Variants in C4orf54 observed in about 807,000 individuals in gnomAD.
The protein encoded by C4orf54 is chromosome 4 open reading frame 54, also known as uncharacterized protein C4orf54.
In C4orf54, 67 loss-of-function variants were observed where a neutral mutation model predicts 80.1. The observed-to-expected ratio is 0.84, with a 90% CI of 0.69 to 1.03. The LOEUF (loss-of-function observed/expected upper bound fraction) is 1.03. Among genes scored for constraint, C4orf54 ranks in the 50% least tolerant of loss-of-function variants. C4orf54 has a pLI of 0.00. For missense variants in C4orf54, 2,434 were observed against 2,253.5 expected, an observed-to-expected ratio of 1.08 and a Z score of -1.62; for synonymous variants, 1,000 against 917.0, an observed-to-expected ratio of 1.09 and a Z score of -1.64.
Position 99,651,793 on chromosome 4 carries a change from G to T in C4orf54, c.2856C>A (p.Ala952=). 3 of 1,535,906 alleles carry T rather than the reference G, an allele frequency of 2.0e-6. No individual in the cohort carries two copies. Among genetic ancestry groups the T allele is most frequent in the Non-Finnish European group, 2.6e-6 (3 of 1,146,882 alleles). ...TAGGGGCTTGTTCCTCCCTCTTCTC[G>T]GCCTCTTTCTCCTTCCATGACCGGA... ...SAFRSWKEKE[A]EKREEQAPIG... is the part of the protein sequence containing the mutation. The change falls in exon 2 of 3, where the codon GCC becomes GCA. Residue 952 remains alanine, a synonymous_variant. Transcript: ENST00000511828.
chr4:99,656,280 GT>G (rs1194995054), intron 1 of C4orf54, among the ~76,000 whole-genome samples: 4,236 of 146,852 alleles, frequency 0.029, 185 homozygotes, highest in African/African-American at 0.097. Flanking sequence ...TTTTATCTTA[GT>G]TTTTTTTTTT....
chr4:99,654,099 G>C lies in C4orf54; in HGVS notation c.550C>G (p.Pro184Ala), dbSNP rs1242937443. ...GCTTCTCGCTGGGAGGAGGCTGAAG[G>C]CTTGGGAAGTGGCCACAGCTGCTGC... ...LKQQLWPLPK[P>A]SASSQREAKY... Residue 184 changes from proline to alanine, a missense_variant, in exon 2 of 3, where the codon CCT becomes GCT. Transcript: ENST00000511828. 3 of 1,536,156 alleles carry C rather than the reference G, an allele frequency of 2.0e-6. No individual in the cohort carries two copies. The South Asian group carries it at 3.6e-5, about 18-fold the overall frequency.
chr4:99,647,590 A>G (rs889823063), intron 2 of C4orf54, among the ~76,000 whole-genome samples: 1 of 151,538 alleles, frequency 6.6e-6, no homozygotes, highest in Non-Finnish European at 1.5e-5. Context: ...AAGAATTTAA[A>G]TAATGTATTT....
chr4:99,651,544 A>G lies in C4orf54; in HGVS notation c.3105T>C (p.Ser1035=), dbSNP rs1157883432. 5 of 1,535,306 alleles carry G rather than the reference A, an allele frequency of 3.3e-6. No homozygotes were observed. In the African/African-American group the frequency reaches 4.1e-5, roughly 13 times the overall value. The change falls in exon 2 of 3, where the codon AGT becomes AGC. Residue 1035 remains serine, a synonymous_variant. Transcript: ENST00000511828. ...KAPEIKIRLG[S]VQQPSSDFNI... is the part of the protein sequence containing the mutation. ...TGAAGTCTGAGCTCGGCTGCTGCAC[A>G]CTCCCCAGCCGGATCTTGATTTCGG... is the stretch of plus-strand genomic sequence containing the variant.
rs765920223 is a variant in C4orf54, at chr4:99,651,856, G to A, written c.2793C>T (p.Thr931=). 5.9e-6 allele frequency: 9 copies of A among 1,536,078 alleles called. No individual in the cohort carries two copies. The highest frequency in any genetic ancestry group is 2.4e-5 in the East Asian group (1 of 40,908). Reference sequence around the variant, plus strand: ...GACTACGGAGGAAGATGCCCTTGACGGTCTCTGAGGCACTCTTTTTAATTT... The same window carrying A: ...GACTACGGAGGAAGATGCCCTTGACAGTCTCTGAGGCACTCTTTTTAATTT... ...VCEIKKSASE[T]VKGIFLRSQN... is the part of the protein sequence containing the mutation. The change falls in exon 2 of 3, where the codon ACC becomes ACT. Residue 931 remains threonine (T), a synonymous_variant. Coordinates refer to ENST00000511828, the MANE Select transcript of C4orf54 (RefSeq NM_001354435.2).
Position 99,649,602 on chromosome 4 carries a change from G to A in C4orf54, c.5047C>T (p.Leu1683=). The A allele has an allele frequency of 6.5e-7, 1 of 1,536,198 alleles. No homozygotes were observed. Among genetic ancestry groups the A allele is most frequent in the Non-Finnish European group, 8.7e-7 (1 of 1,146,918 alleles). ...GCATTGGTGGGCAGCACGGTAGGCAGAAACCCAGGGTAAATCATGTAGGTG... is the reference window on the plus strand; with the variant it reads ...GCATTGGTGGGCAGCACGGTAGGCAAAAACCCAGGGTAAATCATGTAGGTG... ...GPTYMIYPGF[L]PTVLPTNALQ... is the part of the protein sequence containing the mutation. The change falls in exon 2 of 3, where the codon CTG becomes TTG. Residue 1683 remains leucine (L), a synonymous_variant. Coordinates refer to ENST00000511828, the MANE Select transcript of C4orf54 (RefSeq NM_001354435.2).
At position 99,654,040 on chromosome 4, in the gene C4orf54, G is replaced by A; in HGVS notation, c.609C>T (p.Val203=). 6.5e-7 allele frequency: 1 copy of A among 1,536,114 alleles called. No individual in the cohort carries two copies. Among genetic ancestry groups the A allele is most frequent in the African/African-American group, 1.4e-5 (1 of 73,152 alleles). The part of the protein sequence containing the change: ...KYVDMCASAE[V]QRESPQTMKL... The stretch of plus-strand genomic sequence containing the variant: ...TCATGGTCTGGGGACTCTCCCTCTG[G>A]ACTTCAGCTGAAGCACACATGTCCA... The change falls in exon 2 of 3, where the codon GTC becomes GTT. Residue 203 remains valine (V), a synonymous_variant. Coordinates refer to ENST00000511828, the MANE Select transcript of C4orf54 (RefSeq NM_001354435.2).
intron 2 of C4orf54, among the ~76,000 whole-genome samples, chr4:99,645,535 C>A (rs1726687863): frequency 2.0e-5 from 3 of 150,142 alleles, no homozygotes; most frequent in Admixed American, 1.3e-4. Context: ...TTTATTTTAT[C>A]TTTATGCCCT....
At position 99,651,444 on chromosome 4, in the gene C4orf54, T is replaced by C. The variant is rs2110254326; in HGVS notation, c.3205A>G (p.Ser1069Gly). The change falls in exon 2 of 3, where the codon AGC (serine) becomes GGC (glycine). Residue 1069 changes from serine (S) to glycine (G), a missense_variant. Physicochemically the swap from Ser to Gly is moderately conservative, Grantham distance 56. Transcript: ENST00000511828. ...CGGAAGAGTTTCTGCTGTGCCCTGC[T>C]GTTGTCCTCGATGGTCTTGAACAGG... ...SNLFKTIEDN[S>G]RAQQKLFRGD... 2.0e-6 allele frequency: 3 copies of C among 1,536,320 alleles called. No homozygotes were observed. In the East Asian group the frequency reaches 7.3e-5, roughly 38 times the overall value.
rs893024141 is a variant in C4orf54, at chr4:99,639,227, T to C, written c.*2006A>G. The stretch of plus-strand genomic sequence containing the variant: ...TGGTACTATCCACCCAAATCCTATA[T>C]AGGTTTCACCAGGTGTATTCAAATA... On this transcript the variant is annotated 3_prime_UTR_variant, in exon 3 of 3. Coordinates refer to ENST00000511828, the MANE Select transcript of C4orf54 (RefSeq NM_001354435.2). The C allele has an allele frequency of 1.3e-5, 2 of 152,138 alleles. No homozygotes were observed. The highest frequency in any genetic ancestry group is 4.8e-5 in the African/African-American group (2 of 41,446). The allele number at this position is 152,138 out of a possible 1,614,324, so 9.4% of individuals were successfully genotyped here. A position where few individuals can be genotyped will look rare whatever the true frequency, so the allele number is the denominator to read the frequency against.
rs1406683346 is a variant in C4orf54, at chr4:99,652,800, C to A, written c.1849G>T (p.Asp617Tyr). 1 of 1,536,136 alleles carries A rather than the reference C, an allele frequency of 6.5e-7. No homozygotes were observed. The highest frequency in any genetic ancestry group is 2.0e-5 in the Admixed American group (1 of 51,010). ...SGASSAVSEL[D>Y]DADKEVRNLT... ...TTACGCACCTCTTTGTCCGCATCGT[C>A]CAGTTCGCTCACGGCACTGGAGGCT... is the stretch of plus-strand genomic sequence containing the variant. The change falls in exon 2 of 3, where the codon GAC becomes TAC. Residue 617 changes from aspartate to tyrosine, a missense_variant. Physicochemically the swap from Asp to Tyr is radical, Grantham distance 160. Coordinates refer to ENST00000511828, the MANE Select transcript of C4orf54 (RefSeq NM_001354435.2).
At chr4:99,655,799 A>G (rs998101576) in intron 1 of C4orf54, among the ~76,000 whole-genome samples, 7 of 152,212 alleles carry the variant, frequency 4.6e-5, no homozygotes, top group Admixed American at 4.6e-4. Flanking sequence ...CAGTTCCACC[A>G]CTATACATAG....
rs1286798269 is a variant in C4orf54 at position 99,650,700 on chromosome 4, C to A, written c.3949G>T (p.Gly1317Cys). The change falls in exon 2 of 3, where the codon GGT (glycine) becomes TGT (cysteine). Residue 1317 changes from glycine to cysteine, a missense_variant. By Grantham distance (159) the Gly-to-Cys change is radical. Coordinates refer to ENST00000511828, the MANE Select transcript of C4orf54 (RefSeq NM_001354435.2). ...CCTGTGCCCCGCTCTTCCACCTCACCCAGCCGTTTGGACAGCTTGTCGTGG... is the reference window on the plus strand; with the variant it reads ...CCTGTGCCCCGCTCTTCCACCTCACACAGCCGTTTGGACAGCTTGTCGTGG... ...GDHDKLSKRL[G>C]EVEERGTGNK... is the part of the protein sequence containing the mutation. 9 of 1,536,158 alleles carry A rather than the reference C, an allele frequency of 5.9e-6. No individual in the cohort carries two copies. In the South Asian group the frequency reaches 9.5e-5, roughly 16 times the overall value.
chr4:99,655,944 G>A (rs540295396), intron 1 of C4orf54, among the ~76,000 whole-genome samples: 1 of 152,222 alleles, frequency 6.6e-6, no homozygotes, highest in South Asian at 2.1e-4. Flanking sequence ...TCTTTCCTCC[G>A]AATAGGCATG....
At chr4:99,643,766 ACACACACACACACACACACACACACAC>A in intron 2 of C4orf54, among the ~76,000 whole-genome samples, 1 of 138,342 alleles carries the variant, frequency 7.2e-6, no homozygotes, top group Non-Finnish European at 1.6e-5. Flanking sequence ...ACACACACAC[ACACACACACACACACACACACACACAC>A]CCCCTCCGCG....
Position 99,641,892 on chromosome 4 carries a change from T to C in C4orf54, c.*37-696A>G, listed in dbSNP as rs143154437. 4.2e-3 allele frequency among the ~76,000 whole-genome samples: 641 copies of C among 152,250 alleles called. 6 individuals are homozygous for C. The highest frequency in any genetic ancestry group is 0.015 in the African/African-American group (606 of 41,570). ...TTATGAAAACAGAAATAGAGTGGCC[T>C]ACAGGTAATATTTGTTAGGGATTAA... On this transcript the variant is annotated intron_variant, in intron 2 of 2. Coordinates refer to ENST00000511828, the MANE Select transcript of C4orf54 (RefSeq NM_001354435.2).
chr4:99,646,993 C>G (rs1326956994), intron 2 of C4orf54, among the ~76,000 whole-genome samples: 1 of 152,128 alleles, frequency 6.6e-6, no homozygotes, highest in African/African-American at 2.4e-5. Flanking sequence ...TCAACTTTTA[C>G]CTGCATACAA....
At chr4:99,654,852 A>G (rs1472843456) in intron 1 of C4orf54, among the ~76,000 whole-genome samples, 173 bp from the exon 2 acceptor site, 5 of 152,184 alleles carry the variant, frequency 3.3e-5, no homozygotes, top group African/African-American at 1.2e-4. Context: ...CAAATGTTCT[A>G]TGTAATCTAT....
chr4:99,647,506 T>C (rs916279651), intron 2 of C4orf54, among the ~76,000 whole-genome samples: 2 of 152,214 alleles, frequency 1.3e-5, no homozygotes, highest in African/African-American at 2.4e-5. Flanking sequence ...AGATGACTTA[T>C]TTGTCTTTAA....
Sources: allele counts gnomAD v4.1 joint callset (sites outside exome capture counted in the v4.1 genomes callset), GRCh38; gene constraint gnomAD v4.1.1; transcripts MANE v1.5; gene names NCBI Gene and HGNC (gene_info 2026-07-23, HGNC 2026-07-21).